The following CNTN5 variants were observed in gnomAD, a reference collection of about 807,000 sequenced individuals.
CNTN5 encodes contactin-5.
CNTN5 carries 77 observed loss-of-function variants against 129.1 expected under a neutral mutation model. The observed-to-expected ratio is 0.60, with a 90% CI of 0.50 to 0.72. The LOEUF (loss-of-function observed/expected upper bound fraction) is 0.72. CNTN5 is among the 30% of genes least tolerant of loss of function. The pLI is 0.00. For missense variants in CNTN5, 1,478 were observed against 1,328.8 expected (o/e 1.11, Z -1.75); for synonymous variants, 509 against 465.6 (o/e 1.09, Z -1.20).
chr11:99,894,001 T>C (rs530244427), intron 6 of CNTN5, among the ~76,000 whole-genome samples: 2 of 152,244 alleles, frequency 1.3e-5, no homozygotes, highest in Admixed American at 1.3e-4. Flanking sequence ...TGCCAGGGTT[T>C]TTTTTTTCCA....
At chr11:99,380,892 C>T (rs1353310423) in intron 2 of CNTN5, among the ~76,000 whole-genome samples, 2 of 151,912 alleles carry the variant, frequency 1.3e-5, no homozygotes, top group Non-Finnish European at 2.9e-5. Flanking sequence ...CAGTGAGAAC[C>T]CTGATTATTT....
chr11:99,711,873 G>A (rs646052), intron 3 of CNTN5, among the ~76,000 whole-genome samples: 44,336 of 151,934 alleles, frequency 0.29, 6,763 homozygotes, highest in Middle Eastern at 0.43. Context: ...TCTGTATCCA[G>A]TCTATCATTG....
intron 7 of CNTN5, among the ~76,000 whole-genome samples, chr11:99,921,393 C>T (rs1302672460): frequency 6.6e-6 from 1 of 152,148 alleles, no homozygotes; most frequent in Admixed American, 6.6e-5. Flanking sequence ...TTCCCTAGGC[C>T]TGGATCATGT....
At chr11:99,982,480 T>C (rs1217656491) in intron 8 of CNTN5, among the ~76,000 whole-genome samples, 1 of 152,042 alleles carries the variant, frequency 6.6e-6, no homozygotes, top group East Asian at 1.9e-4. Context: ...GAATTATGTC[T>C]GTGGAAAGAA....
chr11:100,180,623 T>C (rs887361556), intron 13 of CNTN5, among the ~76,000 whole-genome samples: 4 of 151,990 alleles, frequency 2.6e-5, no homozygotes, highest in African/African-American at 7.2e-5. Flanking sequence ...AGTTGATAGA[T>C]TGGTACTTAT....
chr11:99,322,157 C>T (rs1417095055), intron 1 of CNTN5, among the ~76,000 whole-genome samples: 1 of 152,110 alleles, frequency 6.6e-6, no homozygotes, highest in Non-Finnish European at 1.5e-5. Flanking sequence ...ATTCTGGAGG[C>T]TAGAAGTTCA....
At chr11:99,360,757 T>C (rs908738615) in intron 2 of CNTN5, among the ~76,000 whole-genome samples, 4 of 152,232 alleles carry the variant, frequency 2.6e-5, no homozygotes, top group Non-Finnish European at 5.9e-5. Flanking sequence ...CTAATCTTTT[T>C]ATCAAAAGGT....
chr11:99,168,318 C>T (rs1207421618), intron 1 of CNTN5, among the ~76,000 whole-genome samples: 1 of 151,222 alleles, frequency 6.6e-6, no homozygotes, highest in Non-Finnish European at 1.5e-5. Flanking sequence ...AATGCCAGCA[C>T]TTTGGGAGGC....
chr11:99,418,252 T>A (rs554180543), intron 2 of CNTN5, among the ~76,000 whole-genome samples: 36 of 152,022 alleles, frequency 2.4e-4, no homozygotes, highest in Non-Finnish European at 4.4e-4. Flanking sequence ...AACAAAAAAA[T>A]TTAAAGAACC....
At chr11:100,255,684 C>G in intron 16 of CNTN5, 76 bp from the exon 17 acceptor site, 1 of 1,291,616 alleles carries the variant, frequency 7.7e-7, no homozygotes, top group Middle Eastern at 2.0e-4. Context: ...GGATGTGCTA[C>G]ATATTGGAAA....
rs186666066 is a variant in CNTN5, at chr11:100,202,810, G to A, written c.1884+9147G>A. ...AGCCCCAGGAAGGAAGACAAGTAAA[G>A]GTCCTCCCTAATGAAGACCTGAGCA... On this transcript the variant is annotated intron_variant, in intron 15 of 24. Coordinates refer to ENST00000524871, the MANE Select transcript of CNTN5 (RefSeq NM_014361.4). 9.8e-4 allele frequency among the ~76,000 whole-genome samples: 149 copies of A among 152,028 alleles called. 4 individuals carry two copies. In the East Asian group the frequency reaches 0.023, roughly 23 times the overall value.
At chr11:99,430,994 G>A (rs1199367022) in intron 2 of CNTN5, among the ~76,000 whole-genome samples, 1 of 111,914 alleles carries the variant, frequency 8.9e-6, no homozygotes, top group Non-Finnish European at 2.0e-5. Flanking sequence ...CCTTTTTCCT[G>A]GCTGTTTTTT....
chr11:100,127,019 A>G (rs1946204101), intron 13 of CNTN5, among the ~76,000 whole-genome samples: 1 of 151,714 alleles, frequency 6.6e-6, no homozygotes, highest in Non-Finnish European at 1.5e-5. Context: ...TTTCAGGCAC[A>G]ATGGATCTTC....
intron 3 of CNTN5, among the ~76,000 whole-genome samples, chr11:99,707,916 A>G (rs1432564903): frequency 6.6e-6 from 1 of 151,594 alleles, no homozygotes; most frequent in East Asian, 1.9e-4. Context: ...ATAATAACAC[A>G]CATAAATACT....
intron 9 of CNTN5, among the ~76,000 whole-genome samples, chr11:100,032,257 A>G (rs1384528776): frequency 1.3e-5 from 2 of 152,132 alleles, no homozygotes; most frequent in African/African-American, 4.8e-5. Flanking sequence ...TGAGTGTTCT[A>G]GTGCTTTTTT....
intron 13 of CNTN5, among the ~76,000 whole-genome samples, chr11:100,110,289 A>C (rs1371740770): frequency 6.6e-6 from 1 of 151,770 alleles, no homozygotes. Context: ...AATTTTTAGC[A>C]TTTAAGTAAA....
intron 15 of CNTN5, among the ~76,000 whole-genome samples, chr11:100,218,399 G>C (rs543746626): frequency 6.6e-6 from 1 of 152,282 alleles, no homozygotes; most frequent in Admixed American, 6.5e-5. Flanking sequence ...ATGCATACCA[G>C]CTCCTCGATA....
intron 3 of CNTN5, among the ~76,000 whole-genome samples, chr11:99,768,322 T>C (rs759004423): frequency 1.3e-5 from 2 of 152,126 alleles, no homozygotes; most frequent in Non-Finnish European, 2.9e-5. Context: ...GTGTCTGATA[T>C]TATAATACTT....
intron 9 of CNTN5, among the ~76,000 whole-genome samples, chr11:100,044,621 T>C (rs1405735021): frequency 6.6e-6 from 1 of 152,022 alleles, no homozygotes; most frequent in Non-Finnish European, 1.5e-5. Flanking sequence ...CATTTTTGTG[T>C]CTTTTTTTTT....
Sources: gnomAD v4.1 joint callset for allele counts (sites outside exome capture counted in the v4.1 genomes callset) on GRCh38, gnomAD v4.1.1 for gene constraint, MANE v1.5 for transcripts, NCBI Gene and HGNC (gene_info 2026-07-23, HGNC 2026-07-21) for gene names.